The following ATP2A3 variants were observed in gnomAD, a reference collection of about 807,000 sequenced individuals.
The protein encoded by ATP2A3 is ATPase sarcoplasmic/endoplasmic reticulum Ca2+ transporting 3, also known as sarcoplasmic/endoplasmic reticulum calcium ATPase 3.
In ATP2A3, 61 loss-of-function variants were observed where a neutral mutation model predicts 106.8. That is an observed-to-expected ratio of 0.57 (90% confidence interval 0.46 to 0.71). ATP2A3 has a LOEUF of 0.71. Ranked by LOEUF, ATP2A3 falls within the 30% of genes least tolerant of loss-of-function variation. The pLI is 0.00. For missense variants in ATP2A3, 1,201 were observed against 1,423.5 expected (o/e 0.84, Z 2.52); for synonymous variants, 611 against 609.3 (o/e 1.00, Z -0.04).
chr17:3,932,546 T>C (rs1032602599), intron 17 of ATP2A3, among the ~76,000 whole-genome samples: 1 of 152,208 alleles, frequency 6.6e-6, no homozygotes, highest in Non-Finnish European at 1.5e-5. Flanking sequence ...CTCAGGTGAT[T>C]GTCCCACCGC....
Position 3,930,686 on chromosome 17 carries a change from G to A in ATP2A3, c.2611-252C>T. 1.7e-6 allele frequency: 1 copy of A among 580,924 alleles called. No individual in the cohort carries two copies. The highest frequency in any genetic ancestry group is 3.0e-5 in the East Asian group (1 of 33,194). 36.0% of individuals were successfully genotyped at this position (580,924 alleles called of 1,614,324 possible). On this transcript the variant is annotated intron_variant, in intron 17 of 20. Coordinates refer to ENST00000397041, the MANE Select transcript of ATP2A3 (RefSeq NM_005173.4). The surrounding 1 kb of genome is among the most constrained non-coding windows in gnomAD (Gnocchi z 5.4). The stretch of plus-strand genomic sequence containing the variant: ...GACGTTCTGGAGCAGGAGTGCAGCG[G>A]CTCAGAAGGAGAACAGCTGGCATTA...
At position 3,953,747 on chromosome 17, in the gene ATP2A3, A is replaced by G. The variant is rs1218666914; in HGVS notation, c.119-37T>C. On this transcript the variant is annotated intron_variant, in intron 1 of 20. Coordinates refer to ENST00000397041, the MANE Select transcript of ATP2A3 (RefSeq NM_005173.4). This position sits in a 1 kb window ranked among gnomAD's most constrained non-coding sequence, Gnocchi z 5.1. Reference sequence around the variant, plus strand: ...AGGCAGCCACGGGAGCCATGAGGAGACAAGAGAGGAGTGGGTCACGCAGGG... The same window carrying G: ...AGGCAGCCACGGGAGCCATGAGGAGGCAAGAGAGGAGTGGGTCACGCAGGG... 89 of 1,566,116 alleles carry G rather than the reference A, an allele frequency of 5.7e-5. No homozygotes were observed. Among genetic ancestry groups the G allele is most frequent in the Non-Finnish European group, 7.1e-5 (82 of 1,155,074 alleles).
At chr17:3,951,468 C>T (rs1433652169) in intron 4 of ATP2A3, 79 bp from the exon 5 acceptor site, 6 of 1,606,462 alleles carry the variant, frequency 3.7e-6, no homozygotes, top group Non-Finnish European at 5.1e-6. Flanking sequence ...TCCTCTGGGG[C>T]CTGGGATGGA....
chr17:3,940,051 T>TTG (rs2053673331), intron 14 of ATP2A3, among the ~76,000 whole-genome samples: 1 of 131,210 alleles, frequency 7.6e-6, no homozygotes, highest in Non-Finnish European at 1.6e-5. Context: ...TTGTTTTTTG[T>TTG]TTTTTTTTTT....
intron 1 of ATP2A3, among the ~76,000 whole-genome samples, chr17:3,958,809 T>TATATATACACACAC (rs1229526062): frequency 6.9e-4 from 97 of 139,918 alleles, no homozygotes; most frequent in East Asian, 3.2e-3. Flanking sequence ...TATACACACA[T>TATATATACACACAC]ATATATATAC....
Position 3,925,297 on chromosome 17 carries a change from C to T in ATP2A3, c.*125G>A. ...ATGGCCATTCTGACCTCGGGCCTGT[C>T]ATTTATCCGGCGGGACCCGGTGGGC... On this transcript the variant is annotated 3_prime_UTR_variant, in exon 21 of 21. Transcript: ENST00000397041. This position sits in a 1 kb window ranked among gnomAD's most constrained non-coding sequence, Gnocchi z 4.2. The T allele has an allele frequency of 1.3e-6, 2 of 1,550,806 alleles. No homozygotes were observed. The highest frequency in any genetic ancestry group is 1.1e-5 in the South Asian group (1 of 88,292).
intron 17 of ATP2A3, among the ~76,000 whole-genome samples, chr17:3,934,162 G>T (rs1176316954): frequency 6.6e-6 from 1 of 152,140 alleles, no homozygotes; most frequent in Middle Eastern, 3.4e-3. Flanking sequence ...GACCTCAAGT[G>T]ATCCGCCCAC....
At position 3,953,150 on chromosome 17, in the gene ATP2A3, GGGGACCCAATGTA is replaced by G; in HGVS notation, c.219+184_219+196del. On this transcript the variant is annotated intron_variant, in intron 3 of 20. Transcript: ENST00000397041. This position sits in a 1 kb window ranked among gnomAD's most constrained non-coding sequence, Gnocchi z 5.1. The stretch of plus-strand genomic sequence containing the variant: ...GGATTGGAGGGGTCAGGTGGGAGCC[GGGGACCCAATGTA>G]GGGGCCATGAGGGTTCAGGCAAGGG... 1.6e-6 allele frequency: 1 copy of G among 633,906 alleles called. No individual in the cohort carries two copies. The highest frequency in any genetic ancestry group is 1.8e-5 in the South Asian group (1 of 56,420). 39.3% of individuals were successfully genotyped at this position (633,906 alleles called of 1,614,324 possible).
In ATP2A3 at chr17:3,936,787, CAT is replaced by C. The variant is rs1236768473; in HGVS notation, c.2322-320_2322-319del. The C allele has an allele frequency of 3.1e-5, 13 of 425,862 alleles. No individual in the cohort carries two copies. Among genetic ancestry groups the C allele is most frequent in the Non-Finnish European group, 5.7e-5 (13 of 226,546 alleles). 26.4% of individuals were successfully genotyped at this position (425,862 alleles called of 1,614,324 possible). A position where few individuals can be genotyped will look rare whatever the true frequency, so the allele number is the denominator to read the frequency against. On this transcript the variant is annotated intron_variant, in intron 15 of 20. Transcript: ENST00000397041. The surrounding 1 kb of genome is among the most constrained non-coding windows in gnomAD (Gnocchi z 5.4). Reference sequence around the variant, plus strand: ...GAAGAGGGCATGCCCAAGAATCAGACATGTGCAAAAACCTAGCACATGCCACA... The same window carrying C: ...GAAGAGGGCATGCCCAAGAATCAGACGTGCAAAAACCTAGCACATGCCACA...
chr17:3,959,749 CG>C (rs1257134365), intron 1 of ATP2A3, among the ~76,000 whole-genome samples: 1 of 152,212 alleles, frequency 6.6e-6, no homozygotes, highest in African/African-American at 2.4e-5. Flanking sequence ...CCTGTGTCTC[CG>C]GGGTCCACCT....
intron 10 of ATP2A3, among the ~76,000 whole-genome samples, chr17:3,943,996 C>T (rs1006576508): frequency 6.6e-5 from 10 of 152,210 alleles, no homozygotes; most frequent in African/African-American, 2.4e-4. Flanking sequence ...GGCTTCCTCC[C>T]TGTCTCTTTC....
Position 3,947,300 on chromosome 17 carries a change from C to T in ATP2A3, c.1095+91G>A. 3 of 1,462,616 alleles carry T rather than the reference C, an allele frequency of 2.1e-6. No homozygotes were observed. Among genetic ancestry groups the T allele is most frequent in the Admixed American group, 1.8e-5 (1 of 56,654 alleles). 90.6% of individuals were successfully genotyped at this position (1,462,616 alleles called of 1,614,324 possible). A position where few individuals can be genotyped will look rare whatever the true frequency, so the allele number is the denominator to read the frequency against. ...ACAGCCCACAGATTCTCTCCTCCAT[C>T]CCTCACTGAAAAGGAGGTGGGGGAG... On this transcript the variant is annotated intron_variant, in intron 8 of 20. Transcript: ENST00000397041. The surrounding 1 kb of genome is among the most constrained non-coding windows in gnomAD (Gnocchi z 7.7).
At position 3,953,667 on chromosome 17, in the gene ATP2A3, G is replaced by A. The variant is rs1341733106; in HGVS notation, c.136+26C>T. ...ACCCAGGGATGCTGCCCGCGGCCTA[G>A]AGGTCCATCCCGGTGCCAGCCTCAC... On this transcript the variant is annotated intron_variant, in intron 2 of 20. Coordinates refer to ENST00000397041, the MANE Select transcript of ATP2A3 (RefSeq NM_005173.4). This position sits in a 1 kb window ranked among gnomAD's most constrained non-coding sequence, Gnocchi z 5.1. 2.6e-6 allele frequency: 4 copies of A among 1,561,110 alleles called. No individual in the cohort carries two copies. The highest frequency in any genetic ancestry group is 1.9e-5 in the Admixed American group (1 of 52,102).
intron 15 of ATP2A3, chr17:3,937,087 GAC>G (rs975197863): frequency 3.1e-5 from 13 of 420,200 alleles, no homozygotes; most frequent in Non-Finnish European, 5.8e-5. Context: ...TTCGCACACG[GAC>G]ACACACACGA....
chr17:3,960,501 C>T (rs956307404), intron 1 of ATP2A3, among the ~76,000 whole-genome samples: 5 of 152,342 alleles, frequency 3.3e-5, no homozygotes, highest in South Asian at 2.1e-4. Context: ...GGGATCTGCC[C>T]GACTCTCAGG....
chr17:3,958,781 C>T lies in ATP2A3; in HGVS notation c.119-5071G>A, dbSNP rs971538592. Among the ~76,000 whole-genome samples, 20 of 62,164 alleles carry T rather than the reference C, an allele frequency of 3.2e-4. 1 individual carries two copies. The highest frequency in any genetic ancestry group is 2.2e-3 in the Admixed American group (12 of 5,452). The allele number at this position is 62,164 out of a possible 152,430, so 40.8% of individuals were successfully genotyped here. On this transcript the variant is annotated intron_variant, in intron 1 of 20. Transcript: ENST00000397041. ...ATACACACACATATATATACACACACATATATATACACATATATATACACA... is the reference window on the plus strand; with the variant it reads ...ATACACACACATATATATACACACATATATATATACACATATATATACACA...
At chr17:3,939,639 T>G (rs1245389495) in intron 14 of ATP2A3, among the ~76,000 whole-genome samples, 1 of 151,442 alleles carries the variant, frequency 6.6e-6, no homozygotes, top group Non-Finnish European at 1.5e-5. Flanking sequence ...ATAAAAAAAT[T>G]AGCTGGGCAT....
rs775662160 is a variant in ATP2A3, at chr17:3,958,849, A to AATATAT, written c.119-5145_119-5140dup. Among the ~76,000 whole-genome samples, 338 of 84,204 alleles carry AATATAT rather than the reference A, an allele frequency of 4.0e-3. 13 individuals carry two copies. Among genetic ancestry groups the AATATAT allele is most frequent in the African/African-American group, 0.014 (252 of 17,804 alleles). The allele number at this position is 84,204 out of a possible 152,430, so 55.2% of individuals were successfully genotyped here. A position where few individuals can be genotyped will look rare whatever the true frequency, so the allele number is the denominator to read the frequency against. On this transcript the variant is annotated intron_variant, in intron 1 of 20. Transcript: ENST00000397041. ...ATATATATACACACACACATATATA[A>AATATAT]ATATATATATATATATATATACACA...
chr17:3,929,230 G>A lies in ATP2A3; in HGVS notation c.2862+98C>T. 2.6e-6 allele frequency: 3 copies of A among 1,147,296 alleles called. No individual in the cohort carries two copies. In the South Asian group the frequency reaches 4.3e-5, roughly 16 times the overall value. The allele number at this position is 1,147,296 out of a possible 1,614,324, so 71.1% of individuals were successfully genotyped here. On this transcript the variant is annotated intron_variant, in intron 19 of 20. Coordinates refer to ENST00000397041, the MANE Select transcript of ATP2A3 (RefSeq NM_005173.4). The surrounding 1 kb of genome is among the most constrained non-coding windows in gnomAD (Gnocchi z 4.3). ...AGACCTCTCACCTCCCTCTCCTCCA[G>A]GTAGTTTCCATTGCAGGGGGGCCAG...
Sources: allele counts gnomAD v4.1 joint callset (sites outside exome capture counted in the v4.1 genomes callset), GRCh38; gene constraint gnomAD v4.1.1; non-coding constraint Gnocchi (gnomAD v3.1); transcripts MANE v1.5; gene names NCBI Gene and HGNC (gene_info 2026-07-23, HGNC 2026-07-21).